Variants in ALDH1A2 observed in about 807,000 individuals in gnomAD.
The protein encoded by ALDH1A2 is aldehyde dehydrogenase 1 family member A2.
In ALDH1A2, 27 loss-of-function variants were observed where a neutral mutation model predicts 60.3. The observed-to-expected ratio is 0.45, with a 90% CI of 0.33 to 0.62. The LOEUF is 0.62. ALDH1A2 is among the 20% of genes least tolerant of loss of function. ALDH1A2 has a pLI of 0.02. For synonymous variants in ALDH1A2, 289 were observed against 232.4 expected, an observed-to-expected ratio of 1.24 and a Z score of -2.21; for missense variants, 581 against 643.8, an observed-to-expected ratio of 0.90 and a Z score of 1.06.
chr15:57,961,600 C>T (rs1186200386), intron 10 of ALDH1A2, among the ~76,000 whole-genome samples: 1 of 152,150 alleles, frequency 6.6e-6, no homozygotes, highest in African/African-American at 2.4e-5. Flanking sequence ...AACACTGCTC[C>T]AGAACGGAAT....
At chr15:58,047,856 G>GA (rs1421813556) in intron 1 of ALDH1A2, among the ~76,000 whole-genome samples, 1 of 151,856 alleles carries the variant, frequency 6.6e-6, no homozygotes, top group Non-Finnish European at 1.5e-5. Flanking sequence ...GCATTGTATA[G>GA]AAAAAACACC....
chr15:58,047,490 A>T (rs1000569523), intron 1 of ALDH1A2, among the ~76,000 whole-genome samples: 1 of 152,012 alleles, frequency 6.6e-6, no homozygotes, highest in African/African-American at 2.4e-5. Context: ...TACTTTAAAG[A>T]GATTTAAGAA....
chr15:58,064,001 T>C (rs1174882744), intron 1 of ALDH1A2, among the ~76,000 whole-genome samples: 2 of 152,160 alleles, frequency 1.3e-5, no homozygotes, highest in African/African-American at 4.8e-5. Context: ...ACGTACCTAT[T>C]GCATACCTAA....
chr15:57,975,666 C>T (rs889457451), intron 7 of ALDH1A2, among the ~76,000 whole-genome samples: 2 of 152,052 alleles, frequency 1.3e-5, no homozygotes, highest in African/African-American at 2.4e-5. Flanking sequence ...TAAAAAAGAA[C>T]GAATTGATAT....
chr15:58,022,192 C>G (rs181904734), intron 1 of ALDH1A2, among the ~76,000 whole-genome samples: 1 of 152,174 alleles, frequency 6.6e-6, no homozygotes, highest in Non-Finnish European at 1.5e-5. Flanking sequence ...TCTGGCCTCA[C>G]TTTGTTCCCC....
intron 1 of ALDH1A2, among the ~76,000 whole-genome samples, chr15:58,028,393 G>C (rs919959869): frequency 2.0e-5 from 3 of 152,132 alleles, no homozygotes; most frequent in Admixed American, 1.3e-4. Context: ...AAGAGCTCCT[G>C]AAAGAAGCAC....
chr15:57,978,924 T>C (rs1002317105), intron 7 of ALDH1A2, among the ~76,000 whole-genome samples: 1 of 152,026 alleles, frequency 6.6e-6, no homozygotes, highest in Non-Finnish European at 1.5e-5. Context: ...TAATCCCAGA[T>C]ACTTGGGGGG....
chr15:58,052,505 G>A lies in ALDH1A2; in HGVS notation c.117+13029C>T, dbSNP rs8034157. Among the ~76,000 whole-genome samples, 386 of 151,714 alleles carry A rather than the reference G, an allele frequency of 2.5e-3. 1 individual carries two copies. Among genetic ancestry groups the A allele is most frequent in the African/African-American group, 8.3e-3 (345 of 41,362 alleles). ...TTTTGAGAGGGAGTCTTGCTCTGTC[G>A]CCCAGGCTGCAGTGCAGTGGCGCAA... On this transcript the variant is annotated intron_variant, in intron 1 of 12. Transcript: ENST00000249750.
At chr15:57,979,164 G>A (rs1471505136) in intron 7 of ALDH1A2, among the ~76,000 whole-genome samples, 5 of 152,142 alleles carry the variant, frequency 3.3e-5, no homozygotes, top group East Asian at 1.9e-4. Context: ...GTTGGCCTGA[G>A]GGTCCTAGGG....
chr15:58,051,318 AT>A (rs1451138990), intron 1 of ALDH1A2, among the ~76,000 whole-genome samples: 2 of 151,968 alleles, frequency 1.3e-5, no homozygotes, highest in African/African-American at 2.4e-5. Flanking sequence ...CACATCTAAC[AT>A]TTTGAGAAAT....
chr15:57,981,625 C>A (rs529986843), intron 7 of ALDH1A2, among the ~76,000 whole-genome samples: 1 of 152,118 alleles, frequency 6.6e-6, no homozygotes, highest in African/African-American at 2.4e-5. Flanking sequence ...CTAAACAATT[C>A]GCCAAAAGTC....
intron 7 of ALDH1A2, among the ~76,000 whole-genome samples, chr15:57,985,977 T>C (rs964267192): frequency 1.3e-5 from 2 of 152,340 alleles, no homozygotes; most frequent in South Asian, 2.1e-4. Context: ...CCTAATACTT[T>C]GGTTTGACCA....
intron 1 of ALDH1A2, among the ~76,000 whole-genome samples, chr15:58,016,079 C>T (rs1467746968): frequency 6.6e-6 from 1 of 151,786 alleles, no homozygotes; most frequent in East Asian, 1.9e-4. Flanking sequence ...TTTTATTCAC[C>T]ATGTGACTGA....
In ALDH1A2 at chr15:57,992,737, T is replaced by C; in HGVS notation, c.766A>G (p.Ile256Val). Residue 256 changes from isoleucine to valine, a missense_variant, in exon 7 of 13, where the codon ATA becomes GTA. By Grantham distance (29) the Ile-to-Val change is conservative. Around this residue, in one of 2 missense-constraint regions of ALDH1A2, gnomAD observed 375 missense variants for 469.7 expected, o/e 0.80. Transcript: ENST00000249750. The part of the protein sequence containing the change: ...AGAAIASHIG[I>V]DKIAFTGSTE... ...GACCCTGTGAATGCAATCTTGTCTA[T>C]GCCAATGTGAGAAGCTATTGCTGCC... is the stretch of plus-strand genomic sequence containing the variant. The C allele has an allele frequency of 6.2e-7, 1 of 1,614,180 alleles. No individual in the cohort carries two copies.
chr15:58,005,052 A>T (rs1367385587), intron 4 of ALDH1A2, among the ~76,000 whole-genome samples: 2 of 151,836 alleles, frequency 1.3e-5, no homozygotes, highest in African/African-American at 2.4e-5. Flanking sequence ...CTACAGAATA[A>T]AACTTGCAGC....
chr15:58,044,193 C>T lies in ALDH1A2; in HGVS notation c.117+21341G>A, dbSNP rs147326435. On this transcript the variant is annotated intron_variant, in intron 1 of 12. Transcript: ENST00000249750. ...CTGGGATACATGTATAGAATGTGTG[C>T]GTTTGTTACCTAGGTATACATGTGC... is the stretch of plus-strand genomic sequence containing the variant. Among the ~76,000 whole-genome samples the T allele has an allele frequency of 3.3e-5, 5 of 151,934 alleles. No individual in the cohort carries two copies. The South Asian group carries it at 6.2e-4, about 19-fold the overall frequency.
chr15:58,016,158 T>TA (rs61001450), intron 1 of ALDH1A2, among the ~76,000 whole-genome samples: 3 of 148,644 alleles, frequency 2.0e-5, no homozygotes, highest in African/African-American at 7.6e-5. Context: ...TTTTTTTTTT[T>TA]AAGACAGAGC....
At chr15:58,029,885 G>C (rs138543276) in intron 1 of ALDH1A2, among the ~76,000 whole-genome samples, 2 of 152,228 alleles carry the variant, frequency 1.3e-5, no homozygotes, top group East Asian at 1.9e-4. Context: ...CTGAAATTGA[G>C]GCAATAATAG....
intron 7 of ALDH1A2, 59 bp downstream of exon 7, chr15:57,992,646 G>T: frequency 6.7e-7 from 1 of 1,494,626 alleles, no homozygotes; most frequent in Non-Finnish European, 9.3e-7. Flanking sequence ...TATTGTTTTT[G>T]TAACCCCTCA....
Sources: allele counts gnomAD v4.1 joint callset (sites outside exome capture counted in the v4.1 genomes callset), GRCh38; gene constraint gnomAD v4.1.1; regional missense constraint gnomAD v4.1.1; transcripts MANE v1.5; gene names NCBI Gene and HGNC (gene_info 2026-07-23, HGNC 2026-07-21).